The following CIAPIN1 variants were observed in gnomAD, a reference collection of about 807,000 sequenced individuals.
CIAPIN1 encodes the protein anamorsin.
A neutral mutation model predicts 34.3 loss-of-function variants in CIAPIN1; 18 were observed. The ratio of observed to expected loss-of-function variants is 0.52; its 90% CI spans 0.36 to 0.78. CIAPIN1 has a LOEUF of 0.78. Among genes scored for constraint, CIAPIN1 ranks in the 30% least tolerant of loss-of-function variants. CIAPIN1 has a pLI of 0.00. For missense variants in CIAPIN1, 310 were observed against 372.5 expected (o/e 0.83, Z 1.38); for synonymous variants, 131 against 140.4 (o/e 0.93, Z 0.47).
At chr16:57,439,909 C>T (rs895580336) in intron 2 of CIAPIN1, among the ~76,000 whole-genome samples, 1 of 152,180 alleles carries the variant, frequency 6.6e-6, no homozygotes, top group Non-Finnish European at 1.5e-5. Flanking sequence ...CATCTGCGCA[C>T]CTTGAAAAAA....
rs1249489502 is a variant in CIAPIN1 at position 57,433,545 on chromosome 16, G to A, written c.556+499C>T. On this transcript the variant is annotated intron_variant, in intron 5 of 8. Transcript: ENST00000394391. ...GAGCTGTGTGTGTGTGTGTGTGTGC[G>A]TGCGCGTGCGTGCACGCGTGTGCTT... 8 of 181,998 alleles carry A rather than the reference G, an allele frequency of 4.4e-5. No homozygotes were observed. The East Asian group carries it at 6.0e-4, about 14-fold the overall frequency. The allele number at this position is 181,998 out of a possible 1,614,324, so 11.3% of individuals were successfully genotyped here. A position where few individuals can be genotyped will look rare whatever the true frequency, so the allele number is the denominator to read the frequency against.
Position 57,440,953 on chromosome 16 carries a change from C to G in CIAPIN1, c.-25G>C, listed in dbSNP as rs1034228675. 3.1e-6 allele frequency: 5 copies of G among 1,598,162 alleles called. No individual in the cohort carries two copies. In the Admixed American group the frequency reaches 9.0e-5, roughly 29 times the overall value. On this transcript the variant is annotated 5_prime_UTR_variant, in exon 2 of 9. Coordinates refer to ENST00000394391, the MANE Select transcript of CIAPIN1 (RefSeq NM_020313.4). Reference sequence around the variant, plus strand: ...TTCTTGCAGTGCAGTACTGACAGACCTAAAAACTGCTGGCCAAAAGGGAAT... The same window carrying G: ...TTCTTGCAGTGCAGTACTGACAGACGTAAAAACTGCTGGCCAAAAGGGAAT...
Position 57,436,636 on chromosome 16 carries a change from A to G in CIAPIN1, c.387+20T>C. 1 of 1,601,120 alleles carries G rather than the reference A, an allele frequency of 6.2e-7. No individual in the cohort carries two copies. The highest frequency in any genetic ancestry group is 8.6e-7 in the Non-Finnish European group (1 of 1,168,442). On this transcript the variant is annotated intron_variant, in intron 4 of 8. Transcript: ENST00000394391. ...TTACCTCACCTGCAGGGCAGCAAAG[A>G]AAGTTGTCTACAAACGTACCTCTTT...
At chr16:57,438,739 G>A (rs1903259249) in intron 3 of CIAPIN1, among the ~76,000 whole-genome samples, 1 of 151,850 alleles carries the variant, frequency 6.6e-6, no homozygotes, top group Non-Finnish European at 1.5e-5. Context: ...CTAACCTCTG[G>A]CAAACTCTGA....
chr16:57,440,509 C>G (rs1489708088), intron 2 of CIAPIN1, among the ~76,000 whole-genome samples: 1 of 152,110 alleles, frequency 6.6e-6, no homozygotes, highest in Admixed American at 6.5e-5. Context: ...CCCCCGGACA[C>G]CCAGCTTTAA....
chr16:57,443,301 G>A (rs776832274), intron 1 of CIAPIN1, among the ~76,000 whole-genome samples: 11 of 151,700 alleles, frequency 7.3e-5, no homozygotes, highest in African/African-American at 1.9e-4. Context: ...CACCATGCCC[G>A]TCTACTTTTG....
chr16:57,444,807 T>C (rs1342625646), intron 1 of CIAPIN1, among the ~76,000 whole-genome samples: 1 of 152,222 alleles, frequency 6.6e-6, no homozygotes, highest in Non-Finnish European at 1.5e-5. Context: ...TGTTGTGAAT[T>C]TGTCTTTTAA....
chr16:57,432,312 A>T (rs537443368), intron 6 of CIAPIN1, among the ~76,000 whole-genome samples, 175 bp downstream of exon 6: 222 of 146,050 alleles, frequency 1.5e-3, no homozygotes, highest in African/African-American at 5.7e-3. Flanking sequence ...GACTGTCTCC[A>T]AAAAAAAAGC....
chr16:57,436,418 C>T (rs1479212487), intron 4 of CIAPIN1, among the ~76,000 whole-genome samples: 2 of 151,910 alleles, frequency 1.3e-5, no homozygotes, highest in Admixed American at 6.5e-5. Flanking sequence ...TTAGTAGAGA[C>T]GGGGTTTCAC....
At chr16:57,431,718 T>C (rs1405863701) in intron 6 of CIAPIN1, among the ~76,000 whole-genome samples, 2 of 152,236 alleles carry the variant, frequency 1.3e-5, no homozygotes, top group African/African-American at 4.8e-5. Context: ...TCTTTGTAAA[T>C]GTGTAGACAC....
chr16:57,445,638 C>T (rs1473444344), intron 1 of CIAPIN1, among the ~76,000 whole-genome samples: 1 of 152,210 alleles, frequency 6.6e-6, no homozygotes, highest in African/African-American at 2.4e-5. Flanking sequence ...CAATCCAAGT[C>T]AGCCATTGCC....
intron 1 of CIAPIN1, among the ~76,000 whole-genome samples, chr16:57,446,381 T>C (rs2030070611): frequency 6.6e-6 from 1 of 152,160 alleles, no homozygotes; most frequent in Non-Finnish European, 1.5e-5. Context: ...TTAGGAGGTC[T>C]TCCCCGCACC....
chr16:57,447,325 G>GCCCCCACCACTCTCACCTGC lies in CIAPIN1; in HGVS notation c.-59_-56+16dup, dbSNP rs375220603. 650 of 447,698 alleles carry GCCCCCACCACTCTCACCTGC rather than the reference G, an allele frequency of 1.5e-3. 2 individuals are homozygous for GCCCCCACCACTCTCACCTGC. Among genetic ancestry groups the GCCCCCACCACTCTCACCTGC allele is most frequent in the African/African-American group, 8.7e-3 (433 of 49,536 alleles). 27.7% of individuals were successfully genotyped at this position (447,698 alleles called of 1,614,324 possible). A position where few individuals can be genotyped will look rare whatever the true frequency, so the allele number is the denominator to read the frequency against. ...TTGAGGGAGCTCTGGCGCTCAGCTG[G>GCCCCCACCACTCTCACCTGC]CCCCCACCACTCTCACCTGCCGCCT... On this transcript the variant is annotated intron_variant, in intron 1 of 8. Transcript: ENST00000394391.
intron 3 of CIAPIN1, among the ~76,000 whole-genome samples, chr16:57,437,912 A>C (rs1247454075): frequency 1.3e-5 from 2 of 150,352 alleles, no homozygotes; most frequent in African/African-American, 5.0e-5. Flanking sequence ...TTCCATTATT[A>C]TTGTTTTTTT....
At chr16:57,431,985 AT>A in intron 6 of CIAPIN1, among the ~76,000 whole-genome samples, 1 of 152,330 alleles carries the variant, frequency 6.6e-6, no homozygotes, top group East Asian at 1.9e-4. Context: ...ACAAGAAATT[AT>A]GTGGGGAAAA....
At position 57,439,318 on chromosome 16, in the gene CIAPIN1, G is replaced by A; in HGVS notation, c.174C>T (p.Ser58=). ...AACCTGACAAAATAATGTCAAAGCT[G>A]GATTCTTTGTGGGCAGCTGAAAAGA... The part of the protein sequence containing the change: ...KQLLQSAHKE[S]SFDIILSGLV... The change falls in exon 3 of 9, where the codon TCC becomes TCT. Residue 58 remains serine (S), a synonymous_variant. Coordinates refer to ENST00000394391, the MANE Select transcript of CIAPIN1 (RefSeq NM_020313.4). 4 of 1,614,114 alleles carry A rather than the reference G, an allele frequency of 2.5e-6. No homozygotes were observed. Among genetic ancestry groups the A allele is most frequent in the Non-Finnish European group, 3.4e-6 (4 of 1,180,002 alleles).
intron 8 of CIAPIN1, among the ~76,000 whole-genome samples, chr16:57,429,661 T>G (rs1221777362): frequency 2.0e-5 from 3 of 151,922 alleles, no homozygotes; most frequent in Non-Finnish European, 4.4e-5. Flanking sequence ...CCGGCAAATT[T>G]TTTTGTATTT....
chr16:57,445,498 A>G (rs1442457204), intron 1 of CIAPIN1, among the ~76,000 whole-genome samples: 1 of 151,972 alleles, frequency 6.6e-6, no homozygotes, highest in African/African-American at 2.4e-5. Flanking sequence ...ACAGAGTGAG[A>G]CTCCATCTCA....
At chr16:57,447,296 A>C in intron 1 of CIAPIN1, 46 bp downstream of exon 1, 1 of 401,958 alleles carries the variant, frequency 2.5e-6, no homozygotes, top group Non-Finnish European at 4.3e-6. Flanking sequence ...CCGGGAGGGG[A>C]CAGTTGAGGG....
Sources: gnomAD v4.1 joint callset for allele counts (sites outside exome capture counted in the v4.1 genomes callset) on GRCh38, gnomAD v4.1.1 for gene constraint, MANE v1.5 for transcripts, NCBI Gene and HGNC (gene_info 2026-07-23, HGNC 2026-07-21) for gene names.